The following GABRB2 variants were observed in gnomAD, a reference collection of about 807,000 sequenced individuals.
GABRB2 encodes gamma-aminobutyric acid type A receptor subunit beta2.
Under a neutral mutation model 54.7 loss-of-function variants are expected in GABRB2, and 16 were observed. That is an observed-to-expected ratio of 0.29 (90% CI 0.20 to 0.44). The LOEUF (loss-of-function observed/expected upper bound fraction) is 0.44. Among genes scored for constraint, GABRB2 ranks in the 20% least tolerant of loss-of-function variants. The pLI, the probability that GABRB2 is intolerant of heterozygous loss-of-function variation, is 1.00. For synonymous variants in GABRB2, 244 were observed against 233.8 expected, an observed-to-expected ratio of 1.04 and a Z score of -0.40; for missense variants, 355 against 644.0, an observed-to-expected ratio of 0.55 and a Z score of 4.86.
At chr5:161,463,644 C>T (rs1758195808) in intron 3 of GABRB2, among the ~76,000 whole-genome samples, 1 of 101,812 alleles carries the variant, frequency 9.8e-6, no homozygotes, top group South Asian at 3.6e-4. Flanking sequence ...AAAAACAATG[C>T]TGGAAGACTC....
At position 161,336,676 on chromosome 5, in the gene GABRB2, A is replaced by G; in HGVS notation, c.635T>C (p.Ile212Thr). Reference sequence around the variant, plus strand: ...CTTGGTGATAAGTTTGTAATCTACAATAGAGAACTGTGGAAGTTCAATTTT... The same window carrying G: ...CTTGGTGATAAGTTTGTAATCTACAGTAGAGAACTGTGGAAGTTCAATTTT... ...VTKIELPQFS[I>T]VDYKLITKKV... Residue 212 changes from isoleucine (I) to threonine (T), a missense_variant, in exon 6 of 10, where the codon ATT becomes ACT. This residue lies in a region of GABRB2 where 30 missense variants were observed against 33.7 expected (regional missense o/e 0.89). Transcript: ENST00000393959. 1 of 1,613,596 alleles carries G rather than the reference A, an allele frequency of 6.2e-7. No individual in the cohort carries two copies. The highest frequency in any genetic ancestry group is 8.5e-7 in the Non-Finnish European group (1 of 1,179,678).
intron 3 of GABRB2, among the ~76,000 whole-genome samples, chr5:161,463,801 A>G (rs1236301228): frequency 6.6e-6 from 1 of 151,144 alleles, no homozygotes; most frequent in Non-Finnish European, 1.5e-5. Flanking sequence ...GATTTCTGAC[A>G]AAGGTACAAA....
chr5:161,405,905 A>G (rs1026867582), intron 5 of GABRB2, among the ~76,000 whole-genome samples: 1 of 152,092 alleles, frequency 6.6e-6, no homozygotes, highest in Admixed American at 6.6e-5. Context: ...CCTTTATTCC[A>G]TCAATGACCC....
intron 4 of GABRB2, among the ~76,000 whole-genome samples, chr5:161,416,305 C>T (rs1159030182): frequency 6.6e-6 from 1 of 151,978 alleles, no homozygotes; most frequent in Non-Finnish European, 1.5e-5. Context: ...AGCCATTAAT[C>T]AATAACAAAT....
intron 4 of GABRB2, among the ~76,000 whole-genome samples, chr5:161,444,008 T>G (rs1213585881): frequency 6.6e-6 from 1 of 152,182 alleles, no homozygotes; most frequent in Non-Finnish European, 1.5e-5. Flanking sequence ...GGTATATGAC[T>G]AATCCTCATG....
intron 9 of GABRB2, among the ~76,000 whole-genome samples, chr5:161,296,015 G>A (rs1757371310): frequency 6.6e-6 from 1 of 152,202 alleles, no homozygotes; most frequent in Non-Finnish European, 1.5e-5. Flanking sequence ...AAGTACCAGT[G>A]CTTTGCAGCA....
intron 4 of GABRB2, among the ~76,000 whole-genome samples, chr5:161,426,679 C>T (rs1757008122): frequency 6.6e-6 from 1 of 151,864 alleles, no homozygotes. Flanking sequence ...TAAAAAGAAA[C>T]TGGGTCTCAT....
chr5:161,461,786 G>A (rs1362135868), intron 3 of GABRB2, among the ~76,000 whole-genome samples: 1 of 152,284 alleles, frequency 6.6e-6, no homozygotes, highest in South Asian at 2.1e-4. Context: ...TGAGAGGCTA[G>A]AGCAGTGCCC....
intron 5 of GABRB2, among the ~76,000 whole-genome samples, chr5:161,404,582 A>G (rs111330620): frequency 0.019 from 2,950 of 152,206 alleles, 40 homozygotes; most frequent in Middle Eastern, 0.037. Flanking sequence ...GATTATTCAG[A>G]AAGACAGAAA....
rs184809720 is a variant in GABRB2, at chr5:161,407,629, C to A, written c.541+3346G>T. On this transcript the variant is annotated intron_variant, in intron 5 of 9. Coordinates refer to ENST00000393959, the MANE Select transcript of GABRB2 (RefSeq NM_001371727.1). ...TTTGGTGCTTTTTGGGTGACATTTC[C>A]CTAGAAAAATAGGCAGTATTCCAGT... Among the ~76,000 whole-genome samples the A allele has an allele frequency of 3.3e-5, 5 of 151,918 alleles. No individual in the cohort carries two copies. The East Asian group carries it at 9.7e-4, about 30-fold the overall frequency.
intron 5 of GABRB2, among the ~76,000 whole-genome samples, chr5:161,365,231 G>C (rs1456592862): frequency 2.0e-5 from 3 of 152,112 alleles, no homozygotes; most frequent in African/African-American, 2.4e-5. Context: ...AGAAAACAAG[G>C]TGTCAATGTC....
chr5:161,505,162 G>A (rs1304130510), intron 3 of GABRB2, among the ~76,000 whole-genome samples: 1 of 140,944 alleles, frequency 7.1e-6, no homozygotes. Context: ...ACTGAGTCTC[G>A]CTGTCTCTCA....
intron 5 of GABRB2, among the ~76,000 whole-genome samples, chr5:161,340,294 G>A (rs1216899836): frequency 3.9e-5 from 6 of 152,070 alleles, no homozygotes; most frequent in Non-Finnish European, 8.8e-5. Flanking sequence ...CTCGTGTGAA[G>A]TAGGCACTCA....
intron 4 of GABRB2, among the ~76,000 whole-genome samples, chr5:161,411,415 T>C (rs1561641021): frequency 6.6e-6 from 1 of 152,186 alleles, no homozygotes; most frequent in Non-Finnish European, 1.5e-5. Flanking sequence ...GCAAAGAATA[T>C]TCCCATTTCT....
intron 3 of GABRB2, among the ~76,000 whole-genome samples, chr5:161,527,322 C>T (rs909119860): frequency 1.3e-5 from 2 of 151,416 alleles, no homozygotes; most frequent in Non-Finnish European, 3.0e-5. Context: ...AGTATTTCTG[C>T]TTCAGAACTT....
chr5:161,364,822 T>G (rs1005869422), intron 5 of GABRB2, among the ~76,000 whole-genome samples: 8 of 152,112 alleles, frequency 5.3e-5, no homozygotes, highest in Non-Finnish European at 7.4e-5. Context: ...ATTGAATAAT[T>G]TTTATATTAT....
At chr5:161,317,424 A>AT (rs1469345221) in intron 9 of GABRB2, among the ~76,000 whole-genome samples, 2 of 152,218 alleles carry the variant, frequency 1.3e-5, no homozygotes, top group Non-Finnish European at 2.9e-5. Flanking sequence ...AGGTTCTAAA[A>AT]TAAGTGAATG....
At chr5:161,314,684 TC>T (rs1642408625) in intron 9 of GABRB2, among the ~76,000 whole-genome samples, 1 of 152,066 alleles carries the variant, frequency 6.6e-6, no homozygotes, top group Admixed American at 6.6e-5. Flanking sequence ...TCTTTCTCTC[TC>T]CCCCCTCTTT....
intron 5 of GABRB2, among the ~76,000 whole-genome samples, chr5:161,374,195 C>G (rs945742830): frequency 6.6e-6 from 1 of 152,034 alleles, no homozygotes; most frequent in Non-Finnish European, 1.5e-5. Context: ...CCGTTGGCCT[C>G]GGCCTCCCAA....
Sources: gnomAD v4.1 joint callset for allele counts (sites outside exome capture counted in the v4.1 genomes callset) on GRCh38, gnomAD v4.1.1 for gene constraint, gnomAD v4.1.1 regional missense constraint, MANE v1.5 for transcripts, NCBI Gene and HGNC (gene_info 2026-07-23, HGNC 2026-07-21) for gene names.